MRPS5: variants seen among roughly 807,000 people sequenced by gnomAD.
MRPS5 encodes small ribosomal subunit protein uS5m.
In MRPS5, 27 loss-of-function variants were observed where a neutral mutation model predicts 51.9. The observed-to-expected ratio is 0.52, with a 90% confidence interval of 0.38 to 0.72. MRPS5 has a LOEUF of 0.72. MRPS5 is among the 30% of genes least tolerant of loss of function. The pLI is 0.00. For synonymous variants in MRPS5, 196 were observed against 193.2 expected (o/e 1.01, Z -0.12); for missense variants, 570 against 545.7 (o/e 1.04, Z -0.44).
rs1456839657 is a variant in MRPS5, at chr2:95,109,977, T to C, written c.342A>G (p.Arg114=). 7 of 1,614,148 alleles carry C rather than the reference T, an allele frequency of 4.3e-6. No homozygotes were observed. The Admixed American group carries it at 8.3e-5, about 19-fold the overall frequency. Residue 114 remains arginine, a synonymous_variant, in exon 4 of 12, where the codon AGA becomes AGG. Transcript: ENST00000272418. The part of the protein sequence containing the change: ...AETGAGAKKG[R]GKRTKKKKRK... ...TTTTCTTCTTTTTAGTTCTTTTGCC[T>C]CTTCCTTTTTTTGCTCCAGCACCAG... is the stretch of plus-strand genomic sequence containing the variant.
Position 95,121,738 on chromosome 2 carries a change from C to A in MRPS5, c.54G>T (p.Thr18=), listed in dbSNP as rs114292623. 1,747 of 1,547,730 alleles carry A rather than the reference C, an allele frequency of 1.1e-3. 16 individuals are homozygous for A. In the African/African-American group the frequency reaches 0.019, roughly 17 times the overall value. Residue 18 remains threonine, a synonymous_variant, in exon 1 of 12, where the codon ACG becomes ACT. Transcript: ENST00000272418. The part of the protein sequence containing the change: ...VGCLPVLCSG[T]AGHLLGRQCS... ...TCCCGGCGTCCCAGCTCTCACCTGC[C>A]GTCCCGCTACACAGCACGGGGAGGC...
chr2:95,096,848 G>T (rs907987359), intron 10 of MRPS5, among the ~76,000 whole-genome samples: 1 of 152,106 alleles, frequency 6.6e-6, no homozygotes, highest in South Asian at 2.1e-4. Flanking sequence ...GGGCAACCAC[G>T]CAAGAGAAAG....
Position 95,108,287 on chromosome 2 carries a change from C to T in MRPS5, c.525G>A (p.Gln175=). ...TCTTCTTTCGGTCCCACTCTTCTCT[C>T]TGCTGGATCATGTCTGCCTCCACCT... is the stretch of plus-strand genomic sequence containing the variant. ...QEKVEADMIQ[Q]REEWDRKKKM... The change falls in exon 5 of 12, where the codon CAG becomes CAA. Residue 175 remains glutamine (Q), a synonymous_variant. Transcript: ENST00000272418. The T allele has an allele frequency of 6.2e-7, 1 of 1,614,216 alleles. No homozygotes were observed. Among genetic ancestry groups the T allele is most frequent in the Non-Finnish European group, 8.5e-7 (1 of 1,180,034 alleles).
rs549705456 is a variant in MRPS5 at position 95,114,013 on chromosome 2, G to A, written c.277+1053C>T. ...CACGCCCCTGTAGTCCCAGCTACTT[G>A]GGAGGCTGAGGCAGGAGAATCGCTC... On this transcript the variant is annotated intron_variant, in intron 3 of 11. Coordinates refer to ENST00000272418, the MANE Select transcript of MRPS5 (RefSeq NM_031902.5). Among the ~76,000 whole-genome samples the A allele has an allele frequency of 7.4e-5, 11 of 149,496 alleles. No individual in the cohort carries two copies. The East Asian group carries it at 2.3e-3, about 31-fold the overall frequency.
chr2:95,112,742 C>T (rs1174247901), intron 3 of MRPS5, among the ~76,000 whole-genome samples: 1 of 152,140 alleles, frequency 6.6e-6, no homozygotes, highest in Non-Finnish European at 1.5e-5. Context: ...CAGTGGCTCA[C>T]GCCTGTAATC....
At chr2:95,094,732 A>G (rs183291289) in intron 10 of MRPS5, among the ~76,000 whole-genome samples, 3 of 152,224 alleles carry the variant, frequency 2.0e-5, no homozygotes, top group Non-Finnish European at 4.4e-5. Context: ...TGAAGGAAGC[A>G]CTCAACATGG....
At chr2:95,088,448 T>C (rs200975973) in intron 11 of MRPS5, among the ~76,000 whole-genome samples, 1 of 152,268 alleles carries the variant, frequency 6.6e-6, no homozygotes, top group Non-Finnish European at 1.5e-5. Flanking sequence ...TCAGTAGACG[T>C]TATTCATGGT....
rs769659956 is a variant in MRPS5 at position 95,110,015 on chromosome 2, C to T, written c.304G>A (p.Ala102Thr). Residue 102 changes from alanine to threonine, a missense_variant, in exon 4 of 12, where the codon GCT (alanine) becomes ACT (threonine). Physicochemically the swap from Ala to Thr is moderately conservative, Grantham distance 58. Transcript: ENST00000272418. ...GCTCCAGCACCAGTCTCTGCTAAAG[C>T]GCCTTTCCACAGCTCATCTGCAGTC... Reference protein sequence around the residue: ...KLTADELWKGALAETGAGAKK... With the variant: ...KLTADELWKGTLAETGAGAKK... 1.3e-5 allele frequency: 21 copies of T among 1,613,732 alleles called. No individual in the cohort carries two copies. In the East Asian group the frequency reaches 1.6e-4, roughly 12 times the overall value.
chr2:95,090,756 C>T (rs1675441131), intron 10 of MRPS5: 1 of 474,990 alleles, frequency 2.1e-6, no homozygotes, highest in South Asian at 3.0e-5. Flanking sequence ...ATCTTGAACA[C>T]ATTTTGAGGG....
At chr2:95,117,664 A>G (rs1483303035) in intron 2 of MRPS5, among the ~76,000 whole-genome samples, 4 of 151,630 alleles carry the variant, frequency 2.6e-5, no homozygotes. Flanking sequence ...CAATCATAAG[A>G]AATCTGAAAA....
At chr2:95,098,261 C>T (rs577699613) in intron 10 of MRPS5, among the ~76,000 whole-genome samples, 1 of 152,268 alleles carries the variant, frequency 6.6e-6, no homozygotes, top group Admixed American at 6.5e-5. Flanking sequence ...ACTAGTTCGA[C>T]CATTGTGGAA....
intron 3 of MRPS5, among the ~76,000 whole-genome samples, chr2:95,112,199 G>C (rs1270946738): frequency 1.3e-5 from 2 of 151,982 alleles, no homozygotes; most frequent in Non-Finnish European, 2.9e-5. Flanking sequence ...CGAGTAGCTG[G>C]GATTACAGGT....
chr2:95,096,138 G>GAA lies in MRPS5; in HGVS notation c.931+4334_931+4335dup, dbSNP rs1158362084. 3.3e-5 allele frequency among the ~76,000 whole-genome samples: 5 copies of GAA among 152,296 alleles called. No individual in the cohort carries two copies. In the East Asian group the frequency reaches 9.6e-4, roughly 29 times the overall value. On this transcript the variant is annotated intron_variant, in intron 10 of 11. Coordinates refer to ENST00000272418, the MANE Select transcript of MRPS5 (RefSeq NM_031902.5). ...CACCCTCCCCAGACTAAACCAGGAA[G>GAA]AAGTTGAATCGCTGAATAGACCAAC...
intron 5 of MRPS5, among the ~76,000 whole-genome samples, chr2:95,107,893 T>C (rs1675996785): frequency 6.6e-6 from 1 of 152,088 alleles, no homozygotes; most frequent in African/African-American, 2.4e-5. Context: ...GTGTATCCTA[T>C]AGGCAGCTCC....
chr2:95,093,156 G>A (rs918643274), intron 10 of MRPS5: 1 of 152,354 alleles, frequency 6.6e-6, no homozygotes, highest in Non-Finnish European at 1.5e-5. Flanking sequence ...GCTAGGGGAG[G>A]GGTGTCCGCC....
intron 10 of MRPS5, chr2:95,091,356 G>C (rs1238178200): frequency 1.3e-5 from 2 of 153,130 alleles, no homozygotes; most frequent in African/African-American, 2.4e-5. Context: ...CTCCTCTTCA[G>C]ACAGGCCTTC....
intron 2 of MRPS5, among the ~76,000 whole-genome samples, 175 bp from the exon 3 acceptor site, chr2:95,115,378 A>AGG (rs1464168604): frequency 1.3e-5 from 2 of 152,172 alleles, no homozygotes. Context: ...TAACAACCTA[A>AGG]ATGCCCAGCC....
chr2:95,105,307 C>T (rs753970859), intron 6 of MRPS5, among the ~76,000 whole-genome samples: 3 of 152,070 alleles, frequency 2.0e-5, no homozygotes, highest in South Asian at 4.1e-4. Context: ...CCCAGCACTT[C>T]GGGAGGCCGA....
chr2:95,092,145 CA>C (rs901233556), intron 10 of MRPS5: 9 of 152,248 alleles, frequency 5.9e-5, no homozygotes, highest in African/African-American at 2.4e-5. Context: ...CACAAACACC[CA>C]CGTGACAGTG....
Sources: gnomAD v4.1 joint callset for allele counts (sites outside exome capture counted in the v4.1 genomes callset) on GRCh38, gnomAD v4.1.1 for gene constraint, MANE v1.5 for transcripts, NCBI Gene and HGNC (gene_info 2026-07-23, HGNC 2026-07-21) for gene names.